Variants in IL1RAPL2 observed in about 807,000 individuals in gnomAD.
IL1RAPL2 encodes the protein interleukin 1 receptor accessory protein like 2, also known as X-linked interleukin-1 receptor accessory protein-like 2.
A neutral mutation model predicts 44.1 loss-of-function variants in IL1RAPL2; 3 were observed. That is an observed-to-expected ratio of 0.07 (90% CI 0.03 to 0.18). IL1RAPL2 has a LOEUF of 0.18. Among genes scored for constraint, IL1RAPL2 ranks in the 10% least tolerant of loss-of-function variants. IL1RAPL2 has a pLI of 1.00. For synonymous variants in IL1RAPL2, 181 were observed against 178.8 expected, an observed-to-expected ratio of 1.01 and a Z score of -0.10; for missense variants, 391 against 496.4, an observed-to-expected ratio of 0.79 and a Z score of 2.02.
rs371237429 is a variant in IL1RAPL2 at position 104,659,031 on chromosome X, A to G, written c.82+36A>G. 2.0e-5 allele frequency: 21 copies of G among 1,056,383 alleles called. No homozygotes were observed. In the South Asian group the frequency reaches 2.9e-4, roughly 15 times the overall value. The allele number at this position is 1,056,383 out of a possible 1,213,427, so 87.1% of individuals were successfully genotyped here. On this transcript the variant is annotated intron_variant, in intron 2 of 10. Coordinates refer to ENST00000372582, the MANE Select transcript of IL1RAPL2 (RefSeq NM_017416.2). ...GGCAACTTGCCACTATTTGGTCAAA[A>G]ATGTACAGTTTTGTGAGCACCCAGA...
intron 2 of IL1RAPL2, 32 bp from the exon 3 acceptor site, chrX:105,195,443 T>C (rs2033665345): frequency 8.3e-7 from 1 of 1,198,937 alleles, no homozygotes; most frequent in Non-Finnish European, 1.1e-6. Flanking sequence ...CAATGCTCAC[T>C]GTATCTTATA....
rs1362010993 is a variant in IL1RAPL2, at chrX:105,491,386, A to G, written c.772+6999A>G. Among the ~76,000 whole-genome samples, 23 of 111,625 alleles carry G rather than the reference A, an allele frequency of 2.1e-4. No homozygotes were observed. The Admixed American group carries it at 2.2e-3, about 11-fold the overall frequency. On this transcript the variant is annotated intron_variant, in intron 6 of 10. Transcript: ENST00000372582. ...TCATTAGCTGGAGTCATAACTTGGT[A>G]TATGCATTGTGTGTATAATGGTGGA...
At chrX:105,705,528 G>C (rs900574133) in intron 6 of IL1RAPL2, among the ~76,000 whole-genome samples, 1 of 110,860 alleles carries the variant, frequency 9.0e-6, no homozygotes, top group Non-Finnish European at 1.9e-5. Flanking sequence ...AGAGAGATGG[G>C]TGTAACAGAA....
Position 104,936,849 on chromosome X carries a change from A to G in IL1RAPL2, c.83-258626A>G, listed in dbSNP as rs750796527. On this transcript the variant is annotated intron_variant, in intron 2 of 10. Transcript: ENST00000372582. ...TCTCGATCTCCTGACCTCGTGATCCACCCGCCTCGGCCTCCCAAAGTGCTG... is the reference window on the plus strand; with the variant it reads ...TCTCGATCTCCTGACCTCGTGATCCGCCCGCCTCGGCCTCCCAAAGTGCTG... 2.7e-5 allele frequency among the ~76,000 whole-genome samples: 3 copies of G among 110,154 alleles called. No homozygotes were observed. The South Asian group carries it at 1.2e-3, about 43-fold the overall frequency.
At chrX:105,017,250 C>A (rs752252976) in intron 2 of IL1RAPL2, among the ~76,000 whole-genome samples, 1 of 110,583 alleles carries the variant, frequency 9.0e-6, no homozygotes, top group African/African-American at 3.3e-5. Flanking sequence ...TTAAAAAAAA[C>A]CAGCTGCTGG....
intron 5 of IL1RAPL2, among the ~76,000 whole-genome samples, chrX:105,298,725 T>C (rs1736868): frequency 0.15 from 15,998 of 108,181 alleles, 2,123 homozygotes; most frequent in African/African-American, 0.42. Context: ...ATTTTCAGAC[T>C]GGGTAGGAAA....
intron 2 of IL1RAPL2, among the ~76,000 whole-genome samples, chrX:104,674,407 T>C (rs1160408334): frequency 1.8e-5 from 2 of 112,087 alleles, no homozygotes; most frequent in Admixed American, 1.9e-4. Flanking sequence ...ATTTATTGAT[T>C]TGCGTATATT....
intron 2 of IL1RAPL2, among the ~76,000 whole-genome samples, chrX:104,757,407 A>T (rs1459999596): frequency 9.0e-6 from 1 of 111,402 alleles, no homozygotes; most frequent in African/African-American, 3.3e-5. Context: ...AACGTCTAAG[A>T]GAATTGTTGT....
chrX:105,041,465 C>T (rs138643545), intron 2 of IL1RAPL2, among the ~76,000 whole-genome samples: 6,883 of 110,229 alleles, frequency 0.062, 199 homozygotes, highest in East Asian at 0.12. Context: ...ATCTGTCTAA[C>T]GTTGACAGTG....
chrX:105,211,123 C>T (rs1488367390), intron 3 of IL1RAPL2, among the ~76,000 whole-genome samples: 1 of 111,545 alleles, frequency 9.0e-6, no homozygotes, highest in Non-Finnish European at 1.9e-5. Flanking sequence ...CTAGATTTTC[C>T]TCCTACATTT....
At chrX:105,085,016 C>T (rs972267536) in intron 2 of IL1RAPL2, among the ~76,000 whole-genome samples, 1 of 111,864 alleles carries the variant, frequency 8.9e-6, no homozygotes, top group East Asian at 2.8e-4. Flanking sequence ...CCATGTAAGA[C>T]GTGCCTGCTT....
At chrX:105,538,628 C>G (rs1375403909) in intron 6 of IL1RAPL2, among the ~76,000 whole-genome samples, 2 of 111,438 alleles carry the variant, frequency 1.8e-5, no homozygotes, top group Non-Finnish European at 3.8e-5. Flanking sequence ...TTTTCCTGAA[C>G]TTAACTGAAA....
At chrX:104,823,721 A>G (rs990722281) in intron 2 of IL1RAPL2, among the ~76,000 whole-genome samples, 1 of 111,215 alleles carries the variant, frequency 9.0e-6, no homozygotes, top group Non-Finnish European at 1.9e-5. Flanking sequence ...CACCAACAGT[A>G]TAAAAGTGTT....
intron 6 of IL1RAPL2, among the ~76,000 whole-genome samples, chrX:105,600,274 T>A (rs1328456685): frequency 2.7e-5 from 3 of 110,775 alleles, no homozygotes; most frequent in African/African-American, 9.8e-5. Context: ...CAGTGAACAT[T>A]TTTATACCTG....
At chrX:104,616,787 A>G (rs773251713) in intron 1 of IL1RAPL2, among the ~76,000 whole-genome samples, 3 of 111,390 alleles carry the variant, frequency 2.7e-5, no homozygotes, top group Non-Finnish European at 5.7e-5. Flanking sequence ...AGTTGTCCTT[A>G]AAAACTCTCC....
intron 2 of IL1RAPL2, among the ~76,000 whole-genome samples, chrX:105,121,972 G>A (rs141584899): frequency 0.014 from 1,579 of 110,938 alleles, 27 homozygotes; most frequent in African/African-American, 0.047. Flanking sequence ...AAAGGCAGGG[G>A]ATCTGGAGCA....
intron 2 of IL1RAPL2, among the ~76,000 whole-genome samples, chrX:104,731,945 C>T (rs1057343397): frequency 9.0e-6 from 1 of 111,195 alleles, no homozygotes; most frequent in Non-Finnish European, 1.9e-5. Flanking sequence ...TCAAAAATAC[C>T]CCAAAGCCTC....
intron 2 of IL1RAPL2, among the ~76,000 whole-genome samples, chrX:105,057,723 A>G (rs113979384): frequency 0.065 from 7,222 of 110,868 alleles, 658 homozygotes; most frequent in African/African-American, 0.23. Context: ...AATAAATGAC[A>G]AATAAACAAG....
chrX:104,770,442 AC>A lies in IL1RAPL2; in HGVS notation c.82+111452del, dbSNP rs1260125179. Among the ~76,000 whole-genome samples the A allele has an allele frequency of 2.7e-5, 3 of 110,477 alleles. No individual in the cohort carries two copies. In the Admixed American group the frequency reaches 2.9e-4, roughly 11 times the overall value. Reference sequence around the variant, plus strand: ...GTTCATCACCACCACCACAACCACCACCCCCATCATCATCATAGCAACTACA... The same window carrying A: ...GTTCATCACCACCACCACAACCACCACCCCATCATCATCATAGCAACTACA... On this transcript the variant is annotated intron_variant, in intron 2 of 10. Coordinates refer to ENST00000372582, the MANE Select transcript of IL1RAPL2 (RefSeq NM_017416.2).
Sources: gnomAD v4.1 joint callset for allele counts (sites outside exome capture counted in the v4.1 genomes callset) on GRCh38, gnomAD v4.1.1 for gene constraint, MANE v1.5 for transcripts, NCBI Gene and HGNC (gene_info 2026-07-23, HGNC 2026-07-21) for gene names.